Variants in PIKFYVE observed in about 807,000 individuals in gnomAD.
PIKFYVE encodes phosphoinositide kinase, FYVE-type zinc finger containing, also known as 1-phosphatidylinositol 3-phosphate 5-kinase.
PIKFYVE carries 122 observed loss-of-function variants against 257.9 expected under a neutral mutation model. That is an observed-to-expected ratio of 0.47 (90% CI 0.41 to 0.55). The LOEUF is 0.55. PIKFYVE is among the 20% of genes least tolerant of loss of function. The pLI is 0.00. For missense variants in PIKFYVE, 2,160 were observed against 2,536.6 expected (o/e 0.85, Z 3.19); for synonymous variants, 892 against 868.9 (o/e 1.03, Z -0.47).
At chr2:208,273,833 A>C (rs1278826967) in intron 3 of PIKFYVE, 100 bp downstream of exon 3, 1 of 1,480,520 alleles carries the variant, frequency 6.8e-7, no homozygotes, top group Non-Finnish European at 9.4e-7. Flanking sequence ...CTTTCCTGCT[A>C]TTTGGAATAG....
At position 208,355,366 on chromosome 2, in the gene PIKFYVE, A is replaced by C. The variant is rs1700104310; in HGVS notation, c.*61A>C. ...AAAGGGGACAGGAACAAAGGACCAA[A>C]AATAAGCTACATGTTTTATTTCTTC... On this transcript the variant is annotated 3_prime_UTR_variant, in exon 42 of 42. Coordinates refer to ENST00000264380, the MANE Select transcript of PIKFYVE (RefSeq NM_015040.4). 2 of 1,303,126 alleles carry C rather than the reference A, an allele frequency of 1.5e-6. No homozygotes were observed. The highest frequency in any genetic ancestry group is 2.9e-5 in the African/African-American group (2 of 68,786). The allele number at this position is 1,303,126 out of a possible 1,614,324, so 80.7% of individuals were successfully genotyped here. A position where few individuals can be genotyped will look rare whatever the true frequency, so the allele number is the denominator to read the frequency against.
chr2:208,355,576 G>T lies in PIKFYVE; in HGVS notation c.*271G>T, dbSNP rs1700116728. 1 of 374,174 alleles carries T rather than the reference G, an allele frequency of 2.7e-6. No homozygotes were observed. The highest frequency in any genetic ancestry group is 5.6e-5 in the East Asian group (1 of 17,848). 23.2% of individuals were successfully genotyped at this position (374,174 alleles called of 1,614,324 possible). On this transcript the variant is annotated 3_prime_UTR_variant, in exon 42 of 42. Transcript: ENST00000264380. Reference sequence around the variant, plus strand: ...TACAGACATGTTTCAAAGGGCTAAAGTTGGAGATGAGTAGATAGGGTGAAA... The same window carrying T: ...TACAGACATGTTTCAAAGGGCTAAATTTGGAGATGAGTAGATAGGGTGAAA...
intron 39 of PIKFYVE, 141 bp from the exon 40 acceptor site, chr2:208,353,757 T>G (rs1699981570): frequency 1.0e-6 from 1 of 959,216 alleles, no homozygotes; most frequent in Admixed American, 2.3e-5. Context: ...TTAAAAATTA[T>G]GATTCAATTT....
At chr2:208,279,459 C>G (rs887787287) in intron 5 of PIKFYVE, among the ~76,000 whole-genome samples, 3 of 152,144 alleles carry the variant, frequency 2.0e-5, no homozygotes, top group African/African-American at 7.2e-5. Flanking sequence ...AGGACTTAGT[C>G]ATAAATTGTT....
chr2:208,311,971 C>G (rs978673324), intron 12 of PIKFYVE, among the ~76,000 whole-genome samples: 2 of 152,128 alleles, frequency 1.3e-5, no homozygotes, highest in Admixed American at 1.3e-4. Flanking sequence ...AAACATTTCT[C>G]TATCTGACAT....
chr2:208,275,606 C>G (rs760657558), intron 3 of PIKFYVE, among the ~76,000 whole-genome samples: 1 of 152,192 alleles, frequency 6.6e-6, no homozygotes, highest in Non-Finnish European at 1.5e-5. Context: ...AAAATAGGTA[C>G]AATTTTGGTA....
intron 5 of PIKFYVE, among the ~76,000 whole-genome samples, chr2:208,283,408 C>T (rs912537343): frequency 1.3e-5 from 2 of 152,292 alleles, no homozygotes; most frequent in Admixed American, 6.5e-5. Context: ...GATGAACTTT[C>T]TTCATGAAAT....
At chr2:208,349,681 A>C (rs1699587067) in intron 35 of PIKFYVE, among the ~76,000 whole-genome samples, 1 of 151,920 alleles carries the variant, frequency 6.6e-6, no homozygotes. Flanking sequence ...TTCTACACAC[A>C]TGGGGAAAAT....
chr2:208,319,447 T>C (rs187745357), intron 16 of PIKFYVE, among the ~76,000 whole-genome samples: 1 of 152,350 alleles, frequency 6.6e-6, no homozygotes, highest in East Asian at 1.9e-4. Context: ...GTAAATATGT[T>C]GTGCCTTCTC....
chr2:208,312,919 A>G (rs1288153239), intron 13 of PIKFYVE, among the ~76,000 whole-genome samples: 19 of 152,214 alleles, frequency 1.2e-4, no homozygotes, highest in Admixed American at 1.2e-3. Flanking sequence ...TTTCAGATCA[A>G]AGAGAGAAGG....
At chr2:208,267,925 T>G (rs1372855839) in intron 1 of PIKFYVE, among the ~76,000 whole-genome samples, 1 of 152,188 alleles carries the variant, frequency 6.6e-6, no homozygotes, top group African/African-American at 2.4e-5. Context: ...ATCACAGGTG[T>G]GAGCAGCCAC....
At chr2:208,305,275 G>C in intron 12 of PIKFYVE, 1 of 1,330,778 alleles carries the variant, frequency 7.5e-7, no homozygotes. Context: ...ACATCTGACT[G>C]CTCTTCCCAT....
intron 1 of PIKFYVE, among the ~76,000 whole-genome samples, chr2:208,270,299 C>T (rs1365611229): frequency 6.6e-6 from 1 of 152,026 alleles, no homozygotes; most frequent in Non-Finnish European, 1.5e-5. Context: ...ACTTCGGCCT[C>T]CCAAAGTGCT....
chr2:208,337,575 A>G (rs542838884), intron 28 of PIKFYVE, among the ~76,000 whole-genome samples: 33 of 152,148 alleles, frequency 2.2e-4, no homozygotes, highest in Middle Eastern at 3.4e-3. Flanking sequence ...AGATATATCT[A>G]TCTGTCTATC....
chr2:208,273,926 G>GA, intron 3 of PIKFYVE, 193 bp downstream of exon 3: 4 of 1,463,196 alleles, frequency 2.7e-6, no homozygotes, highest in South Asian at 1.2e-5. Flanking sequence ...ATTGACACCT[G>GA]AAAAAATTCT....
Position 208,355,363 on chromosome 2 carries a change from C to A in PIKFYVE, c.*58C>A. ...GGAAAAGGGGACAGGAACAAAGGAC[C>A]AAAAATAAGCTACATGTTTTATTTC... On this transcript the variant is annotated 3_prime_UTR_variant, in exon 42 of 42. Coordinates refer to ENST00000264380, the MANE Select transcript of PIKFYVE (RefSeq NM_015040.4). 1.5e-6 allele frequency: 2 copies of A among 1,304,758 alleles called. No individual in the cohort carries two copies. Among genetic ancestry groups the A allele is most frequent in the Non-Finnish European group, 2.2e-6 (2 of 904,490 alleles). The allele number at this position is 1,304,758 out of a possible 1,614,324, so 80.8% of individuals were successfully genotyped here. A position where few individuals can be genotyped will look rare whatever the true frequency, so the allele number is the denominator to read the frequency against.
In PIKFYVE at chr2:208,298,540, A is replaced by G. The variant is rs139156503; in HGVS notation, c.912-101A>G. ...AAGTACTTTTAAAAGTACCCTTAAC[A>G]TTGGTAAATAAGCATTTATTTAAAA... On this transcript the variant is annotated intron_variant, in intron 7 of 41. Transcript: ENST00000264380. 5.1e-6 allele frequency: 7 copies of G among 1,386,098 alleles called. 1 individual carries two copies. In the East Asian group the frequency reaches 1.7e-4, roughly 34 times the overall value. 85.9% of individuals were successfully genotyped at this position (1,386,098 alleles called of 1,614,324 possible). A position where few individuals can be genotyped will look rare whatever the true frequency, so the allele number is the denominator to read the frequency against.
At chr2:208,347,820 A>T (rs372597366) in intron 34 of PIKFYVE, 39 bp from the exon 35 acceptor site, 19 of 1,542,468 alleles carry the variant, frequency 1.2e-5, no homozygotes, top group Non-Finnish European at 1.7e-5. Flanking sequence ...ATCTGTAGTG[A>T]CCTGTACTTA....
chr2:208,315,857 T>C (rs980640068), intron 15 of PIKFYVE, among the ~76,000 whole-genome samples: 1 of 152,054 alleles, frequency 6.6e-6, no homozygotes, highest in African/African-American at 2.4e-5. Flanking sequence ...TTTTTAACTT[T>C]TTTATGTCTC....
Sources: allele counts gnomAD v4.1 joint callset (sites outside exome capture counted in the v4.1 genomes callset), GRCh38; gene constraint gnomAD v4.1.1; transcripts MANE v1.5; gene names NCBI Gene and HGNC (gene_info 2026-07-23, HGNC 2026-07-21).